Variants in MCU observed in about 807,000 individuals in gnomAD.
MCU encodes the protein calcium uniporter protein, mitochondrial.
In MCU, 12 loss-of-function variants were observed where a neutral mutation model predicts 45.2. That is an observed-to-expected ratio of 0.27 (90% confidence interval 0.17 to 0.43). The LOEUF (loss-of-function observed/expected upper bound fraction) is 0.43. MCU is among the 20% of genes least tolerant of loss of function. The pLI, the probability that MCU is intolerant of heterozygous loss-of-function variation, is 1.00. For missense variants in MCU, 324 were observed against 436.7 expected (o/e 0.74, Z 2.30); for synonymous variants, 160 against 165.1 (o/e 0.97, Z 0.24).
chr10:72,868,953 T>C (rs1190507310), intron 5 of MCU, 90 bp downstream of exon 5: 2 of 1,323,382 alleles, frequency 1.5e-6, no homozygotes, highest in Non-Finnish European at 2.1e-6. Flanking sequence ...TTTTATGCAA[T>C]TGAGTCATGT....
rs771259770 is a variant in MCU, at chr10:72,859,377, C to G, written c.391+30C>G. The G allele has an allele frequency of 1.5e-4, 234 of 1,575,674 alleles. 1 individual carries two copies. The highest frequency in any genetic ancestry group is 2.0e-4 in the Non-Finnish European group (231 of 1,155,674). On this transcript the variant is annotated intron_variant, in intron 3 of 7. Coordinates refer to ENST00000373053, the MANE Select transcript of MCU (RefSeq NM_138357.3). ...AGTCACCATCATTATTAATTACCATCTATCCCTCATTTCACCCCACACCAT... is the reference window on the plus strand; with the variant it reads ...AGTCACCATCATTATTAATTACCATGTATCCCTCATTTCACCCCACACCAT...
chr10:72,731,739 C>T (rs1298254683), intron 1 of MCU, among the ~76,000 whole-genome samples: 1 of 152,144 alleles, frequency 6.6e-6, no homozygotes, highest in Non-Finnish European at 1.5e-5. Flanking sequence ...TGATTTCTTT[C>T]ACTTTACGTA....
intron 4 of MCU, among the ~76,000 whole-genome samples, chr10:72,864,035 T>G (rs1198169876): frequency 6.6e-6 from 1 of 152,166 alleles, no homozygotes; most frequent in Non-Finnish European, 1.5e-5. Flanking sequence ...TTGAGAGAAG[T>G]GTAAACAAAT....
At chr10:72,861,402 A>T in intron 4 of MCU, among the ~76,000 whole-genome samples, 1 of 152,010 alleles carries the variant, frequency 6.6e-6, no homozygotes, top group East Asian at 1.9e-4. Context: ...AAACTCGGTA[A>T]TCAAGATAAA....
At chr10:72,719,618 TTAACA>T (rs1842995379) in intron 1 of MCU, among the ~76,000 whole-genome samples, 1 of 152,222 alleles carries the variant, frequency 6.6e-6, no homozygotes. Flanking sequence ...AAGGTATCAC[TTAACA>T]TAACCAGAAT....
intron 1 of MCU, among the ~76,000 whole-genome samples, chr10:72,698,859 A>G (rs1360779801): frequency 6.6e-6 from 1 of 152,142 alleles, no homozygotes; most frequent in Non-Finnish European, 1.5e-5. Context: ...GCTGAAGTAT[A>G]GTAGTCTGAT....
At chr10:72,784,159 C>T (rs1339369640) in intron 1 of MCU, among the ~76,000 whole-genome samples, 1 of 152,190 alleles carries the variant, frequency 6.6e-6, no homozygotes, top group African/African-American at 2.4e-5. Context: ...CAGGGGATGA[C>T]ATTTTCCAAA....
chr10:72,801,621 C>T (rs1459008313), intron 1 of MCU, among the ~76,000 whole-genome samples: 1 of 151,116 alleles, frequency 6.6e-6, no homozygotes, highest in Admixed American at 6.6e-5. Context: ...TTCATTCTAA[C>T]ATCCTGTTTC....
chr10:72,732,626 C>A (rs1407190798), intron 1 of MCU, among the ~76,000 whole-genome samples: 2 of 152,170 alleles, frequency 1.3e-5, no homozygotes, highest in East Asian at 1.9e-4. Flanking sequence ...CTGAGTGTGT[C>A]AAACAACTGC....
chr10:72,740,149 C>A (rs372078231), intron 1 of MCU, among the ~76,000 whole-genome samples: 1 of 151,620 alleles, frequency 6.6e-6, no homozygotes, highest in South Asian at 2.1e-4. Flanking sequence ...TGGGAGGCTG[C>A]GGTGGGCGGA....
chr10:72,741,234 G>A (rs930881120), intron 1 of MCU, among the ~76,000 whole-genome samples: 2 of 151,610 alleles, frequency 1.3e-5, no homozygotes, highest in African/African-American at 4.9e-5. Context: ...CAAGTAGCTA[G>A]GATTACAGGC....
At chr10:72,860,118 T>C in intron 3 of MCU, 1 of 290,522 alleles carries the variant, frequency 3.4e-6, no homozygotes, top group South Asian at 4.5e-5. Context: ...TTATAGGCAG[T>C]ATTAAGCCCA....
At chr10:72,717,087 T>C (rs1842963662) in intron 1 of MCU, among the ~76,000 whole-genome samples, 1 of 151,906 alleles carries the variant, frequency 6.6e-6, no homozygotes, top group Admixed American at 6.6e-5. Context: ...TTCCCTACTA[T>C]TTGAAAGGTG....
intron 1 of MCU, among the ~76,000 whole-genome samples, chr10:72,794,487 A>T (rs1844214962): frequency 6.6e-6 from 1 of 152,166 alleles, no homozygotes; most frequent in South Asian, 2.1e-4. Context: ...ATTCTGCATA[A>T]AAGTAGCCTG....
chr10:72,787,155 T>C (rs1844084516), intron 1 of MCU, among the ~76,000 whole-genome samples: 1 of 152,258 alleles, frequency 6.6e-6, no homozygotes, highest in Non-Finnish European at 1.5e-5. Context: ...CATGTCCTTC[T>C]AAACCCAGCT....
In MCU at chr10:72,884,335, C is replaced by G; in HGVS notation, c.931C>G (p.Arg311Gly). Residue 311 changes from arginine to glycine, a missense_variant, in exon 7 of 8, where the codon CGT becomes GGT. This residue lies in a region of MCU where 76 missense variants were observed against 99.4 expected (regional missense o/e 0.76). Transcript: ENST00000373053. ...TTTCCATAAAGGAGCCAAAAAGTCA[C>G]GTTTTGACCTAGAGAAATACAATCA... is the stretch of plus-strand genomic sequence containing the variant. The part of the protein sequence containing the change: ...LFFHKGAKKS[R>G]FDLEKYNQLK... 1.2e-6 allele frequency: 2 copies of G among 1,612,372 alleles called. No homozygotes were observed. The highest frequency in any genetic ancestry group is 1.7e-6 in the Non-Finnish European group (2 of 1,178,710).
intron 1 of MCU, among the ~76,000 whole-genome samples, chr10:72,718,950 G>A (rs533488702): frequency 1.3e-5 from 2 of 152,296 alleles, no homozygotes; most frequent in East Asian, 3.9e-4. Context: ...CAGAAGTCAG[G>A]AGACTGATCA....
intron 2 of MCU, among the ~76,000 whole-genome samples, chr10:72,836,483 T>A (rs1460667795): frequency 6.6e-6 from 1 of 152,122 alleles, no homozygotes; most frequent in Non-Finnish European, 1.5e-5. Flanking sequence ...ATGGAGATAT[T>A]TCAGTAATTT....
intron 4 of MCU, 116 bp downstream of exon 4, chr10:72,860,643 G>GTT: frequency 1.3e-6 from 1 of 746,860 alleles, no homozygotes; most frequent in Non-Finnish European, 2.2e-6. Flanking sequence ...AACACTGAAA[G>GTT]TTTTATATAC....
Sources: gnomAD v4.1 joint callset for allele counts (sites outside exome capture counted in the v4.1 genomes callset) on GRCh38, gnomAD v4.1.1 for gene constraint, gnomAD v4.1.1 regional missense constraint, MANE v1.5 for transcripts, NCBI Gene and HGNC (gene_info 2026-07-23, HGNC 2026-07-21) for gene names.